The following KCNG3 variants were observed in gnomAD, a reference collection of about 807,000 sequenced individuals.
KCNG3 encodes the protein voltage-gated potassium channel regulatory subunit KCNG3.
KCNG3 carries 15 observed loss-of-function variants against 29.0 expected under a neutral mutation model. The ratio of observed to expected loss-of-function variants is 0.52; its 90% confidence interval spans 0.35 to 0.80. KCNG3 has a LOEUF of 0.80. Ranked by LOEUF, KCNG3 falls within the 30% of genes least tolerant of loss-of-function variation. The pLI is 0.01. For missense variants in KCNG3, 512 were observed against 605.7 expected (o/e 0.85, Z 1.62); for synonymous variants, 322 against 248.9 (o/e 1.29, Z -2.76).
At position 42,443,547 on chromosome 2, in the gene KCNG3, T is replaced by A. The variant is rs1340745012; in HGVS notation, c.*387A>T. The A allele has an allele frequency of 1.2e-5, 2 of 162,250 alleles. No homozygotes were observed. Among genetic ancestry groups the A allele is most frequent in the East Asian group, 3.6e-4 (2 of 5,556 alleles). 10.1% of individuals were successfully genotyped at this position (162,250 alleles called of 1,614,324 possible). Reference sequence around the variant, plus strand: ...AAACATTTAGAAATGAAAATGTTACTCTCAAACAAAAAACACTATAAGTTC... The same window carrying A: ...AAACATTTAGAAATGAAAATGTTACACTCAAACAAAAAACACTATAAGTTC... On this transcript the variant is annotated 3_prime_UTR_variant, in exon 2 of 2. Transcript: ENST00000306078.
chr2:42,461,406 G>C (rs1204880587), intron 1 of KCNG3, among the ~76,000 whole-genome samples: 1 of 152,016 alleles, frequency 6.6e-6, no homozygotes, highest in Non-Finnish European at 1.5e-5. Context: ...CAAGATTTCT[G>C]ACTGACCCAG....
chr2:42,411,445 C>T, the KCNG3 span, among the ~76,000 whole-genome samples: 1 of 152,028 alleles, frequency 6.6e-6, no homozygotes, highest in African/African-American at 2.4e-5. Flanking sequence ...TTTAGTGTCC[C>T]TCAGTGCTAT....
downstream of KCNG3, among the ~76,000 whole-genome samples, chr2:42,437,297 C>T (rs141103007): frequency 1.8e-3 from 280 of 152,158 alleles, no homozygotes; most frequent in African/African-American, 6.5e-3. Context: ...TAATATAAGT[C>T]GAATCTTAGA....
the KCNG3 span, among the ~76,000 whole-genome samples, chr2:42,407,177 CTTTTTTTTT>C: frequency 7.5e-6 from 1 of 133,146 alleles, no homozygotes; most frequent in South Asian, 2.5e-4. Context: ...TCTGCTTGAT[CTTTTTTTTT>C]TTTTTTTTTG....
chr2:42,468,720 T>A (rs1178654695), intron 1 of KCNG3, among the ~76,000 whole-genome samples: 1 of 151,136 alleles, frequency 6.6e-6, no homozygotes, highest in African/African-American at 2.4e-5. Flanking sequence ...TTTGGGAGGA[T>A]GAGGCAAGTG....
At chr2:42,478,085 T>C (rs539709228) in intron 1 of KCNG3, among the ~76,000 whole-genome samples, 2 of 152,186 alleles carry the variant, frequency 1.3e-5, no homozygotes, top group South Asian at 2.1e-4. Flanking sequence ...GGTGTCCACA[T>C]TGAAGTTGAG....
chr2:42,400,441 A>T, the KCNG3 span, among the ~76,000 whole-genome samples: 1 of 152,266 alleles, frequency 6.6e-6, no homozygotes, highest in East Asian at 1.9e-4. Flanking sequence ...CTCTGTTCCT[A>T]CATCTGGACC....
In KCNG3 at chr2:42,488,564, T is replaced by C. The variant is rs1673786014; in HGVS notation, c.665+4273A>G. On this transcript the variant is annotated intron_variant, in intron 1 of 1. Transcript: ENST00000306078. ...TTCATTTTCTTTTCTTTTTTTTTTT[T>C]TTTGAGACTCAGTCTCACTTTATCG... Among the ~76,000 whole-genome samples the C allele has an allele frequency of 2.6e-5, 4 of 151,636 alleles. No homozygotes were observed. The South Asian group carries it at 8.3e-4, about 32-fold the overall frequency.
intron 1 of KCNG3, chr2:42,463,900 GT>G: frequency 3.3e-6 from 1 of 304,232 alleles, no homozygotes. Context: ...CTCAGATTTT[GT>G]TTTCAAATCA....
intron 1 of KCNG3, among the ~76,000 whole-genome samples, chr2:42,481,736 A>G (rs540383743): frequency 1.8e-4 from 27 of 152,048 alleles, no homozygotes; most frequent in Non-Finnish European, 2.9e-4. Context: ...GACCAAAGAC[A>G]TATCCGCCTC....
chr2:42,394,454 C>G, the KCNG3 span, among the ~76,000 whole-genome samples: 1 of 152,190 alleles, frequency 6.6e-6, no homozygotes, highest in South Asian at 2.1e-4. Context: ...TTAGCTCAGG[C>G]CTTCTCTAGA....
the KCNG3 span, among the ~76,000 whole-genome samples, chr2:42,425,511 G>T: frequency 1.3e-5 from 2 of 151,852 alleles, no homozygotes; most frequent in African/African-American, 2.4e-5. Flanking sequence ...AGTGGGAGGA[G>T]GATCATGTGG....
At chr2:42,412,202 CCCA>C in the KCNG3 span, among the ~76,000 whole-genome samples, 3 of 152,206 alleles carry the variant, frequency 2.0e-5, no homozygotes, top group Admixed American at 6.5e-5. Flanking sequence ...AATCATTACT[CCCA>C]CGACAGTCCT....
rs1417670076 is a variant in KCNG3, at chr2:42,442,176, A to G, written c.*1758T>C. 1 of 152,176 alleles carries G rather than the reference A, an allele frequency of 6.6e-6. No homozygotes were observed. Among genetic ancestry groups the G allele is most frequent in the East Asian group, 1.9e-4 (1 of 5,202 alleles). The allele number at this position is 152,176 out of a possible 1,614,324, so 9.4% of individuals were successfully genotyped here. On this transcript the variant is annotated 3_prime_UTR_variant, in exon 2 of 2. Coordinates refer to ENST00000306078, the MANE Select transcript of KCNG3 (RefSeq NM_133329.6). ...ACAATAAATATACAATAAATAACTG[A>G]ATTTCTTTTGGGTATGTAAGAAGTA...
chr2:42,419,262 G>C, the KCNG3 span, among the ~76,000 whole-genome samples: 4 of 75,636 alleles, frequency 5.3e-5, no homozygotes, highest in African/African-American at 2.0e-4. Context: ...TTGAGATAGA[G>C]TCTCACTCTG....
intron 1 of KCNG3, among the ~76,000 whole-genome samples, chr2:42,466,131 C>T (rs893232079): frequency 1.3e-5 from 2 of 152,046 alleles, no homozygotes; most frequent in Non-Finnish European, 2.9e-5. Context: ...ATAGGCTAGG[C>T]ACAATGGCTC....
At chr2:42,411,571 C>G in the KCNG3 span, among the ~76,000 whole-genome samples, 7 of 152,130 alleles carry the variant, frequency 4.6e-5, no homozygotes, top group Non-Finnish European at 1.0e-4. Flanking sequence ...CAACCTCCAC[C>G]TCTTGGGTTC....
the KCNG3 span, among the ~76,000 whole-genome samples, chr2:42,407,523 G>A: frequency 2.0e-5 from 3 of 152,204 alleles, no homozygotes; most frequent in South Asian, 4.1e-4. Context: ...AACAACAAGT[G>A]GGAGCCCCAC....
At position 42,491,643 on chromosome 2, in the gene KCNG3, C is replaced by T. The variant is rs766654296; in HGVS notation, c.665+1194G>A. On this transcript the variant is annotated intron_variant, in intron 1 of 1. Coordinates refer to ENST00000306078, the MANE Select transcript of KCNG3 (RefSeq NM_133329.6). ...ACAAAATGAGTTTCCTAATGAATTT[C>T]CTTTCAAAGCATGTATCTTCGATTT... Among the ~76,000 whole-genome samples, 53 of 152,160 alleles carry T rather than the reference C, an allele frequency of 3.5e-4. 1 individual carries two copies. Among genetic ancestry groups the T allele is most frequent in the Admixed American group, 2.2e-3 (33 of 15,272 alleles).
Sources: gnomAD v4.1 joint callset for allele counts (sites outside exome capture counted in the v4.1 genomes callset) on GRCh38, gnomAD v4.1.1 for gene constraint, MANE v1.5 for transcripts, NCBI Gene and HGNC (gene_info 2026-07-23, HGNC 2026-07-21) for gene names.